The following CYP2C19 variants were observed in gnomAD, a reference collection of about 807,000 sequenced individuals.
The protein encoded by CYP2C19 is cytochrome P450 family 2 subfamily C member 19.
CYP2C19 carries 59 observed loss-of-function variants against 40.9 expected under a neutral mutation model. That is an observed-to-expected ratio of 1.44 (90% CI 1.17 to 1.79). The LOEUF (loss-of-function observed/expected upper bound fraction) is 1.79. CYP2C19 is among the 40% of genes most tolerant of loss of function. The pLI is 0.00. For missense variants in CYP2C19, 754 were observed against 596.9 expected (o/e 1.26, Z -2.74); for synonymous variants, 253 against 208.7 (o/e 1.21, Z -1.83).
At chr10:94,805,492 A>G (rs898519275) in intron 5 of CYP2C19, among the ~76,000 whole-genome samples, 1 of 152,228 alleles carries the variant, frequency 6.6e-6, no homozygotes, top group African/African-American at 2.4e-5. Flanking sequence ...TGTATAGTGT[A>G]TTGGCATTGA....
chr10:94,813,262 T>C (rs1020963626), intron 5 of CYP2C19, among the ~76,000 whole-genome samples: 3 of 152,058 alleles, frequency 2.0e-5, no homozygotes, highest in Non-Finnish European at 4.4e-5. Context: ...GAGGGACACT[T>C]GCCAGATACC....
At chr10:94,816,105 A>G (rs1306329497) in intron 5 of CYP2C19, among the ~76,000 whole-genome samples, 2 of 152,082 alleles carry the variant, frequency 1.3e-5, no homozygotes, top group African/African-American at 2.4e-5. Flanking sequence ...TTTTTTGCCA[A>G]AAAATATGCT....
At chr10:94,773,193 A>T (rs1374672844) in intron 1 of CYP2C19, among the ~76,000 whole-genome samples, 1 of 152,302 alleles carries the variant, frequency 6.6e-6, no homozygotes, top group East Asian at 1.9e-4. Flanking sequence ...CTGCTTGGCA[A>T]TAGGCAAAAG....
At chr10:94,833,762 T>C (rs1049495798) in intron 6 of CYP2C19, among the ~76,000 whole-genome samples, 1 of 152,234 alleles carries the variant, frequency 6.6e-6, no homozygotes, top group African/African-American at 2.4e-5. Context: ...AATGATCATA[T>C]GGTTTTTATC....
chr10:94,820,446 A>C (rs1352328055), intron 5 of CYP2C19, 50 bp from the exon 6 acceptor site: 1 of 1,603,754 alleles, frequency 6.2e-7, no homozygotes, highest in Non-Finnish European at 8.5e-7. Context: ...TACTGTCATC[A>C]AATATGCTGT....
intron 8 of CYP2C19, among the ~76,000 whole-genome samples, chr10:94,851,933 A>G (rs999523612): frequency 7.2e-5 from 11 of 152,226 alleles, no homozygotes; most frequent in Non-Finnish European, 2.9e-5. Flanking sequence ...ATCCCAGGGA[A>G]ACGAACATTT....
In CYP2C19 at chr10:94,854,720, GTTTA is replaced by G. The variant is rs1247188289; in HGVS notation, c.*1811_*1814del. On this transcript the variant is annotated 3_prime_UTR_variant, in exon 9 of 9. Coordinates refer to ENST00000371321, the MANE Select transcript of CYP2C19 (RefSeq NM_000769.4). The stretch of plus-strand genomic sequence containing the variant: ...TGCACACATACATATAGGGTTAAAT[GTTTA>G]TTTACAATATTGGGCTCATATCACA... Among the ~76,000 whole-genome samples, 1 of 151,976 alleles carries G rather than the reference GTTTA, an allele frequency of 6.6e-6. No individual in the cohort carries two copies. The highest frequency in any genetic ancestry group is 1.5e-5 in the Non-Finnish European group (1 of 67,998).
chr10:94,813,012 T>A (rs1848949569), intron 5 of CYP2C19, among the ~76,000 whole-genome samples: 1 of 151,724 alleles, frequency 6.6e-6, no homozygotes, highest in Admixed American at 6.6e-5. Context: ...TTTATCTACC[T>A]CTTGTCTTTG....
chr10:94,838,372 T>C (rs1206294399), intron 6 of CYP2C19, among the ~76,000 whole-genome samples: 1 of 152,202 alleles, frequency 6.6e-6, no homozygotes, highest in Non-Finnish European at 1.5e-5. Flanking sequence ...CATTTGGGGT[T>C]AGTGTCTGAT....
intron 6 of CYP2C19, among the ~76,000 whole-genome samples, chr10:94,839,280 AT>A (rs1235906217): frequency 1.1e-4 from 17 of 150,672 alleles, no homozygotes; most frequent in Non-Finnish European, 1.8e-4. Flanking sequence ...CTTGCCCAAC[AT>A]TGCCTTTGCA....
chr10:94,803,698 C>T (rs1384143432), intron 5 of CYP2C19, among the ~76,000 whole-genome samples: 3 of 152,166 alleles, frequency 2.0e-5, no homozygotes, highest in Admixed American at 6.6e-5. Context: ...TCCAAGTACT[C>T]TGCAGGGGTA....
At chr10:94,821,681 CT>C (rs1051927798) in intron 6 of CYP2C19, among the ~76,000 whole-genome samples, 3 of 152,044 alleles carry the variant, frequency 2.0e-5, no homozygotes, top group African/African-American at 4.8e-5. Flanking sequence ...AATAAATATT[CT>C]TTTTTCCCCT....
chr10:94,792,469 C>T (rs950321620), intron 5 of CYP2C19, among the ~76,000 whole-genome samples: 1 of 152,098 alleles, frequency 6.6e-6, no homozygotes, highest in Non-Finnish European at 1.5e-5. Context: ...TACAATTTGA[C>T]ACTTTTTTAC....
At position 94,820,565 on chromosome 10, in the gene CYP2C19, G is replaced by C; in HGVS notation, c.889G>C (p.Ala297Pro). 1 of 1,614,194 alleles carries C rather than the reference G, an allele frequency of 6.2e-7. No homozygotes were observed. Among genetic ancestry groups the C allele is most frequent in the Non-Finnish European group, 8.5e-7 (1 of 1,180,040 alleles). Residue 297 changes from alanine to proline, a missense_variant, in exon 6 of 9, where the codon GCT (alanine) becomes CCT (proline). Physicochemically the swap from Ala to Pro is conservative, Grantham distance 27. Transcript: ENST00000371321. ...LVITAADLLG[A>P]GTETTSTTLR... ...AATCACTGCAGCTGACTTACTTGGA[G>C]CTGGGACAGAGACAACAAGCACAAC...
At chr10:94,809,077 C>T (rs1160817663) in intron 5 of CYP2C19, among the ~76,000 whole-genome samples, 1 of 152,130 alleles carries the variant, frequency 6.6e-6, no homozygotes, top group East Asian at 1.9e-4. Context: ...CCTTTTTCTT[C>T]ACATCCTTAC....
At chr10:94,769,010 G>T (rs1200086183) in intron 1 of CYP2C19, among the ~76,000 whole-genome samples, 3 of 152,170 alleles carry the variant, frequency 2.0e-5, no homozygotes, top group Non-Finnish European at 4.4e-5. Context: ...AAAAGTCGGT[G>T]ATTCCAAGGA....
At chr10:94,800,069 G>T (rs1001190368) in intron 5 of CYP2C19, among the ~76,000 whole-genome samples, 6 of 152,134 alleles carry the variant, frequency 3.9e-5, no homozygotes, top group African/African-American at 1.4e-4. Context: ...GTAATCCCTT[G>T]AGGAGGAGAG....
chr10:94,794,318 G>A (rs573471681), intron 5 of CYP2C19, among the ~76,000 whole-genome samples: 10 of 152,078 alleles, frequency 6.6e-5, no homozygotes, highest in African/African-American at 1.4e-4. Flanking sequence ...CAGGTGAGGC[G>A]ATGCCCTGCC....
intron 1 of CYP2C19, among the ~76,000 whole-genome samples, chr10:94,765,668 G>A (rs916894591): frequency 1.3e-5 from 2 of 152,096 alleles, no homozygotes; most frequent in Admixed American, 1.3e-4. Flanking sequence ...GGGGATCCAG[G>A]GGTGAATGGT....
Sources: allele counts gnomAD v4.1 joint callset (sites outside exome capture counted in the v4.1 genomes callset), GRCh38; gene constraint gnomAD v4.1.1; transcripts MANE v1.5; gene names NCBI Gene and HGNC (gene_info 2026-07-23, HGNC 2026-07-21).